NUP188: variants seen among roughly 807,000 people sequenced by gnomAD.
NUP188 encodes nucleoporin 188.
NUP188 carries 97 observed loss-of-function variants against 223.0 expected under a neutral mutation model. The ratio of observed to expected loss-of-function variants is 0.43; its 90% CI spans 0.37 to 0.51. NUP188 has a LOEUF of 0.51. Among genes scored for constraint, NUP188 ranks in the 20% least tolerant of loss-of-function variants. The pLI, the probability that NUP188 is intolerant of heterozygous loss-of-function variation, is 0.00. For missense variants in NUP188, 1,947 were observed against 2,175.6 expected, an observed-to-expected ratio of 0.89 and a Z score of 2.09; for synonymous variants, 869 against 828.0, an observed-to-expected ratio of 1.05 and a Z score of -0.85.
chr9:128,968,904 T>A (rs561537127), intron 9 of NUP188, among the ~76,000 whole-genome samples, 187 bp downstream of exon 9: 1 of 152,330 alleles, frequency 6.6e-6, no homozygotes, highest in South Asian at 2.1e-4. Context: ...AAATGAGTAT[T>A]GTAATCTGCT....
intron 36 of NUP188, 140 bp downstream of exon 36, chr9:129,002,116 C>T: frequency 2.9e-6 from 2 of 685,398 alleles, no homozygotes; most frequent in Non-Finnish European, 2.5e-6. Flanking sequence ...CTTCCCTGCC[C>T]CCAGGCGGAT....
chr9:128,959,232 T>C (rs1841911676), intron 8 of NUP188, 98 bp downstream of exon 8: 10 of 868,330 alleles, frequency 1.2e-5, no homozygotes, highest in Admixed American at 5.7e-5. Context: ...CTCGGCTCAC[T>C]GCAACCTCCA....
chr9:128,956,819 T>A (rs560384616), intron 4 of NUP188, 133 bp from the exon 5 acceptor site: 1 of 599,246 alleles, frequency 1.7e-6, no homozygotes, highest in African/African-American at 1.9e-5. Flanking sequence ...AGAATTGTTA[T>A]GTTTTATGAA....
At chr9:128,985,388 CAT>C (rs1406692963) in intron 20 of NUP188, 1 of 160,538 alleles carries the variant, frequency 6.2e-6, no homozygotes, top group Non-Finnish European at 1.4e-5. Flanking sequence ...TATTTCACAA[CAT>C]TTATTCTTAC....
At chr9:128,956,698 C>T (rs564132149) in intron 4 of NUP188, among the ~76,000 whole-genome samples, 8 of 152,266 alleles carry the variant, frequency 5.3e-5, no homozygotes, top group African/African-American at 1.4e-4. Flanking sequence ...CACATCATGC[C>T]TACTGCTGTA....
In NUP188 at chr9:128,982,937, A is replaced by G. The variant is rs1842277113; in HGVS notation, c.1705A>G (p.Ile569Val). ...IQHCQRVKPI[I>V]DLVHKVISTD... is the part of the protein sequence containing the mutation. ...GCACTGCCAGCGAGTCAAACCCATC[A>G]TTGATCTCGTCCATAAGGTCATCAG... is the stretch of plus-strand genomic sequence containing the variant. The change falls in exon 17 of 44, where the codon ATT becomes GTT. Residue 569 changes from isoleucine to valine, a missense_variant. This residue lies in a region of NUP188 where 817 missense variants were observed against 865.8 expected (regional missense o/e 0.94). Coordinates refer to ENST00000372577, the MANE Select transcript of NUP188 (RefSeq NM_015354.3). 3 of 1,614,060 alleles carry G rather than the reference A, an allele frequency of 1.9e-6. No homozygotes were observed. The highest frequency in any genetic ancestry group is 1.1e-5 in the South Asian group (1 of 91,086).
chr9:128,988,089 G>T lies in NUP188; in HGVS notation c.2436G>T (p.Lys812Asn), dbSNP rs770531468. Residue 812 changes from lysine (K) to asparagine (N), a missense_variant, in exon 24 of 44, where the codon AAG becomes AAT. By Grantham distance (94) the Lys-to-Asn change is moderately conservative (BLOSUM62 0). Coordinates refer to ENST00000372577, the MANE Select transcript of NUP188 (RefSeq NM_015354.3). ...EGQGQGQLLI[K>N]TVKLAFSVTN... is the part of the protein sequence containing the mutation. Reference sequence around the variant, plus strand: ...AGGGGCAGGGCCAGCTGCTGATCAAGACAGTGAAACTGGCATTCTCCGTCA... The same window carrying T: ...AGGGGCAGGGCCAGCTGCTGATCAATACAGTGAAACTGGCATTCTCCGTCA... 36 of 1,614,108 alleles carry T rather than the reference G, an allele frequency of 2.2e-5. No individual in the cohort carries two copies. The highest frequency in any genetic ancestry group is 2.5e-5 in the Non-Finnish European group (30 of 1,180,030).
chr9:128,993,177 T>C lies in NUP188; in HGVS notation c.2641-20T>C. On this transcript the variant is annotated intron_variant, in intron 25 of 43. Transcript: ENST00000372577. Reference sequence around the variant, plus strand: ...TTGTGGAAGCAGAGCTCTAAGCCTGTGTGTTCCGGTCTCCACCAGGTGGCC... The same window carrying C: ...TTGTGGAAGCAGAGCTCTAAGCCTGCGTGTTCCGGTCTCCACCAGGTGGCC... The C allele has an allele frequency of 6.2e-7, 1 of 1,603,958 alleles. No homozygotes were observed. Among genetic ancestry groups the C allele is most frequent in the South Asian group, 1.1e-5 (1 of 90,880 alleles).
intron 12 of NUP188, among the ~76,000 whole-genome samples, chr9:128,975,501 C>A (rs1302064118): frequency 6.6e-6 from 1 of 151,644 alleles, no homozygotes; most frequent in Non-Finnish European, 1.5e-5. Context: ...GGATTACAGG[C>A]GTGAGCCACC....
At chr9:128,979,422 T>G in intron 13 of NUP188, 95 bp downstream of exon 13, 1 of 833,296 alleles carries the variant, frequency 1.2e-6, no homozygotes, top group Admixed American at 2.2e-5. Context: ...GTGCATTTTC[T>G]CATTTAATCT....
chr9:128,991,088 A>T (rs1358573407), intron 25 of NUP188, among the ~76,000 whole-genome samples: 1 of 152,166 alleles, frequency 6.6e-6, no homozygotes, highest in African/African-American at 2.4e-5. Flanking sequence ...GATGTAACAG[A>T]AAGTTAAGAT....
At chr9:128,978,883 G>A (rs936500435) in intron 12 of NUP188, among the ~76,000 whole-genome samples, 5 of 152,050 alleles carry the variant, frequency 3.3e-5, no homozygotes, top group African/African-American at 1.2e-4. Context: ...GCTAACTTTC[G>A]TATTTTTAGT....
intron 23 of NUP188, 106 bp from the exon 24 acceptor site, chr9:128,987,941 C>A: frequency 7.4e-7 from 1 of 1,350,950 alleles, no homozygotes; most frequent in Non-Finnish European, 1.0e-6. Context: ...CTAACAGAAG[C>A]TGTTGAACTC....
chr9:129,003,486 G>A, intron 38 of NUP188, 32 bp downstream of exon 38: 1 of 1,603,094 alleles, frequency 6.2e-7, no homozygotes, highest in Non-Finnish European at 8.5e-7. Flanking sequence ...TTGGAGTCTG[G>A]GGTAATGCTT....
intron 25 of NUP188, among the ~76,000 whole-genome samples, chr9:128,991,907 CTTTTTTTTT>C (rs1204961303): frequency 8.5e-6 from 1 of 117,374 alleles, no homozygotes; most frequent in Non-Finnish European, 1.8e-5. Context: ...GTTTTTCTTT[CTTTTTTTTT>C]TTTTTTTTTG....
At chr9:128,995,843 G>A (rs1842515783) in intron 30 of NUP188, among the ~76,000 whole-genome samples, 1 of 152,220 alleles carries the variant, frequency 6.6e-6, no homozygotes, top group South Asian at 2.1e-4. Context: ...GTCTTCTCGT[G>A]CTGTGTACCT....
At chr9:128,968,009 C>T (rs1842055272) in intron 8 of NUP188, among the ~76,000 whole-genome samples, 3 of 152,112 alleles carry the variant, frequency 2.0e-5, no homozygotes, top group Admixed American at 2.0e-4. Context: ...CGCCTTTAAT[C>T]CCAGTGCTTT....
Position 128,986,789 on chromosome 9 carries a change from C to G in NUP188, c.2198-20C>G. The G allele has an allele frequency of 6.2e-7, 1 of 1,614,080 alleles. No individual in the cohort carries two copies. The highest frequency in any genetic ancestry group is 8.5e-7 in the Non-Finnish European group (1 of 1,179,962). On this transcript the variant is annotated intron_variant, in intron 21 of 43. Coordinates refer to ENST00000372577, the MANE Select transcript of NUP188 (RefSeq NM_015354.3). ...CATTTCACAAGGCCACATCATTCCT[C>G]TGTCTTTTCTGGAGTCCAGGTTGCC...
chr9:128,992,288 G>A (rs1588286782), intron 25 of NUP188, among the ~76,000 whole-genome samples: 1 of 152,050 alleles, frequency 6.6e-6, no homozygotes, highest in East Asian at 1.9e-4. Context: ...CCACTCCCAG[G>A]TTCATGCGAT....
Sources: gnomAD v4.1 joint callset for allele counts (sites outside exome capture counted in the v4.1 genomes callset) on GRCh38, gnomAD v4.1.1 for gene constraint, gnomAD v4.1.1 regional missense constraint, MANE v1.5 for transcripts, NCBI Gene and HGNC (gene_info 2026-07-23, HGNC 2026-07-21) for gene names.